The following HYKK variants were observed in gnomAD, a reference collection of about 807,000 sequenced individuals.
HYKK encodes 5-hydroxy-L-lysine kinase.
A neutral mutation model predicts 29.7 loss-of-function variants in HYKK; 19 were observed. The ratio of observed to expected loss-of-function variants is 0.64; its 90% CI spans 0.45 to 0.94. HYKK has a LOEUF of 0.94. Among genes scored for constraint, HYKK ranks in the 40% least tolerant of loss-of-function variants. The pLI is 0.00. For missense variants in HYKK, 390 were observed against 443.4 expected (o/e 0.88, Z 1.08); for synonymous variants, 152 against 158.1 (o/e 0.96, Z 0.29).
At chr15:78,526,997 C>T (rs1050669423) in intron 3 of HYKK, among the ~76,000 whole-genome samples, 17 of 151,990 alleles carry the variant, frequency 1.1e-4, no homozygotes, top group African/African-American at 2.9e-4. Flanking sequence ...TAGCACCGGC[C>T]GGGCGAGGTG....
At position 78,533,690 on chromosome 15, in the gene HYKK, C is replaced by CA. The variant is rs746724603; in HGVS notation, c.*23dup. 9 of 1,558,108 alleles carry CA rather than the reference C, an allele frequency of 5.8e-6. No homozygotes were observed. Among genetic ancestry groups the CA allele is most frequent in the Non-Finnish European group, 7.9e-6 (9 of 1,132,942 alleles). ...ATGTGACTGAGATCTCCATGTGACT[C>CA]AAAGTTCACTTTAACTTGGGTAATT... On this transcript the variant is annotated 3_prime_UTR_variant, in exon 5 of 5. Coordinates refer to ENST00000388988, the MANE Select transcript of HYKK (RefSeq NM_001013619.4).
rs906027777 is a variant in HYKK at position 78,523,176 on chromosome 15, T to C, written c.478-4204T>C. On this transcript the variant is annotated intron_variant, in intron 3 of 4. Transcript: ENST00000388988. ...TAATCTATAAAGAAAATGGGTTTAA[T>C]TGGCGCATGCTTCTGCAGGCTGTAC... Among the ~76,000 whole-genome samples the C allele has an allele frequency of 3.9e-5, 6 of 152,212 alleles. 1 individual carries two copies. The highest frequency in any genetic ancestry group is 1.4e-4 in the African/African-American group (6 of 41,448).
At chr15:78,517,105 CTT>C (rs796695649) in intron 3 of HYKK, among the ~76,000 whole-genome samples, 1,535 of 56,002 alleles carry the variant, frequency 0.027, 28 homozygotes, top group African/African-American at 0.052. Context: ...TTCTTTCTTT[CTT>C]TCTTTTTTTT....
rs181234886 is a variant in HYKK at position 78,527,004 on chromosome 15, G to C, written c.478-376G>C. Among the ~76,000 whole-genome samples, 360 of 152,162 alleles carry C rather than the reference G, an allele frequency of 2.4e-3. 4 individuals are homozygous for C. Among genetic ancestry groups the C allele is most frequent in the Non-Finnish European group, 5.0e-4 (34 of 68,008 alleles). ...AAAATGTGTAGCACCGGCCGGGCGA[G>C]GTGGCTCACACCTGTAATCCCAGCA... is the stretch of plus-strand genomic sequence containing the variant. On this transcript the variant is annotated intron_variant, in intron 3 of 4. Coordinates refer to ENST00000388988, the MANE Select transcript of HYKK (RefSeq NM_001013619.4).
At chr15:78,509,181 A>G (rs2052046938) in intron 1 of HYKK, among the ~76,000 whole-genome samples, 1 of 152,180 alleles carries the variant, frequency 6.6e-6, no homozygotes, top group African/African-American at 2.4e-5. Context: ...GTTCTATGAT[A>G]TGGAGCGCTT....
intron 1 of HYKK, among the ~76,000 whole-genome samples, chr15:78,508,958 G>A (rs1345893980): frequency 6.7e-6 from 1 of 150,102 alleles, no homozygotes; most frequent in Non-Finnish European, 1.5e-5. Context: ...TCAGGTGGGA[G>A]GATCCCTTGA....
At chr15:78,514,489 T>C (rs1292959481) in intron 2 of HYKK, among the ~76,000 whole-genome samples, 1 of 152,208 alleles carries the variant, frequency 6.6e-6, no homozygotes, top group Non-Finnish European at 1.5e-5. Context: ...GTGAGGCCCA[T>C]TGTGGTCCCT....
intron 3 of HYKK, among the ~76,000 whole-genome samples, chr15:78,521,628 T>G (rs1477444763): frequency 6.6e-6 from 1 of 152,092 alleles, no homozygotes; most frequent in Non-Finnish European, 1.5e-5. Flanking sequence ...GTCAGGCAGA[T>G]CAAGGACAAC....
At chr15:78,516,531 G>A (rs1271898645) in intron 3 of HYKK, among the ~76,000 whole-genome samples, 3 of 151,686 alleles carry the variant, frequency 2.0e-5, no homozygotes, top group South Asian at 4.2e-4. Context: ...TGTATTTTTT[G>A]TAGAGATGGG....
intron 3 of HYKK, among the ~76,000 whole-genome samples, chr15:78,522,372 G>A (rs2052205354): frequency 6.6e-6 from 1 of 151,860 alleles, no homozygotes; most frequent in African/African-American, 2.4e-5. Context: ...TGGCCAACAT[G>A]GTGAAACCCT....
At chr15:78,514,908 C>CTCTATATATATATATA (rs766004199) in intron 2 of HYKK, 60 bp from the exon 3 acceptor site, 2 of 383,692 alleles carry the variant, frequency 5.2e-6, no homozygotes, top group East Asian at 8.1e-5. Flanking sequence ...CTCTCTCTCT[C>CTCTATATATATATATA]TATATATATA....
At chr15:78,521,220 G>A (rs2052192934) in intron 3 of HYKK, among the ~76,000 whole-genome samples, 1 of 152,044 alleles carries the variant, frequency 6.6e-6, no homozygotes. Context: ...CAGAACTGAG[G>A]AGTTAACAAG....
At chr15:78,527,806 T>A (rs189265361) in intron 4 of HYKK, 12 of 1,087,832 alleles carry the variant, frequency 1.1e-5, no homozygotes, top group Non-Finnish European at 1.4e-5. Context: ...TACATATGTA[T>A]GATTTATAAA....
intron 4 of HYKK, among the ~76,000 whole-genome samples, chr15:78,530,837 T>G (rs1289234289): frequency 2.0e-5 from 3 of 151,898 alleles, no homozygotes; most frequent in Non-Finnish European, 4.4e-5. Flanking sequence ...GCCAATGCAC[T>G]CAGCTTAAAT....
intron 2 of HYKK, among the ~76,000 whole-genome samples, chr15:78,514,402 A>G (rs1053149276): frequency 2.6e-5 from 4 of 152,162 alleles, no homozygotes; most frequent in African/African-American, 7.2e-5. Flanking sequence ...AAATTTTTTT[A>G]AAGGTTCGAA....
At chr15:78,516,572 A>G (rs1490759507) in intron 3 of HYKK, among the ~76,000 whole-genome samples, 1 of 150,304 alleles carries the variant, frequency 6.7e-6, no homozygotes, top group African/African-American at 2.4e-5. Flanking sequence ...CTGGTCTCAA[A>G]CTCCTGAGCT....
intron 4 of HYKK, among the ~76,000 whole-genome samples, chr15:78,530,203 T>TA (rs1169609417): frequency 3.6e-3 from 10 of 2,800 alleles, no homozygotes; most frequent in African/African-American, 3.9e-3. Flanking sequence ...TTTATTTATT[T>TA]TTTTTTTTTT....
chr15:78,528,588 A>C (rs1344108101), intron 4 of HYKK: 1 of 837,394 alleles, frequency 1.2e-6, no homozygotes, highest in Non-Finnish European at 1.4e-6. Context: ...GGATCACTTG[A>C]GGTCAGGAGT....
At chr15:78,519,922 G>A (rs2052174807) in intron 3 of HYKK, among the ~76,000 whole-genome samples, 1 of 152,106 alleles carries the variant, frequency 6.6e-6, no homozygotes, top group Admixed American at 6.5e-5. Flanking sequence ...CCTATCTGTG[G>A]GCTTCATTCA....
Sources: gnomAD v4.1 joint callset for allele counts (sites outside exome capture counted in the v4.1 genomes callset) on GRCh38, gnomAD v4.1.1 for gene constraint, MANE v1.5 for transcripts, NCBI Gene and HGNC (gene_info 2026-07-23, HGNC 2026-07-21) for gene names.